RBFOX1: variants seen among roughly 807,000 people sequenced by gnomAD.
The protein encoded by RBFOX1 is RNA binding protein fox-1 homolog 1.
In RBFOX1, 8 loss-of-function variants were observed where a neutral mutation model predicts 57.7. The observed-to-expected ratio is 0.14, with a 90% confidence interval of 0.08 to 0.25. The LOEUF (loss-of-function observed/expected upper bound fraction) is 0.25. Among genes scored for constraint, RBFOX1 ranks in the 10% least tolerant of loss-of-function variants. The probability of loss-of-function intolerance (pLI) is 1.00; values close to 1 mark genes in which losing one functional copy is unlikely to be tolerated. For synonymous variants in RBFOX1, 326 were observed against 222.4 expected (o/e 1.47, Z -4.15); for missense variants, 611 against 548.5 (o/e 1.11, Z -1.14).
chr16:6,129,998 G>A (rs2096618570), intron 1 of RBFOX1, among the ~76,000 whole-genome samples: 2 of 152,060 alleles, frequency 1.3e-5, no homozygotes, highest in African/African-American at 4.8e-5. Context: ...ACAGTAGAGG[G>A]AATGTGTCAG....
chr16:6,916,079 A>G (rs765756768), intron 3 of RBFOX1, among the ~76,000 whole-genome samples: 1 of 152,156 alleles, frequency 6.6e-6, no homozygotes, highest in Non-Finnish European at 1.5e-5. Flanking sequence ...CCCAGGGCTT[A>G]TATACCTTAG....
intron 3 of RBFOX1, among the ~76,000 whole-genome samples, chr16:6,711,200 C>T (rs1032448075): frequency 3.3e-5 from 5 of 152,198 alleles, no homozygotes; most frequent in African/African-American, 1.2e-4. Flanking sequence ...TCATCCTGAG[C>T]AGGTTCTGTC....
chr16:6,863,135 T>C (rs2059307410), intron 3 of RBFOX1, among the ~76,000 whole-genome samples: 1 of 151,926 alleles, frequency 6.6e-6, no homozygotes, highest in African/African-American at 2.4e-5. Context: ...TGAAGAGAAA[T>C]TAATAAGCAG....
chr16:7,511,766 C>T (rs897054236), intron 4 of RBFOX1, among the ~76,000 whole-genome samples: 5 of 152,086 alleles, frequency 3.3e-5, no homozygotes, highest in African/African-American at 1.2e-4. Context: ...CTCTCGTTGA[C>T]TGAGAGGTTT....
At chr16:6,919,166 G>C (rs933288882) in intron 3 of RBFOX1, among the ~76,000 whole-genome samples, 1 of 151,770 alleles carries the variant, frequency 6.6e-6, no homozygotes, top group Non-Finnish European at 1.5e-5. Context: ...TTGTTTTTTT[G>C]GAGATGGGGT....
intron 2 of RBFOX1, among the ~76,000 whole-genome samples, chr16:5,505,141 T>C (rs1158249089): frequency 6.6e-6 from 1 of 152,204 alleles, no homozygotes; most frequent in African/African-American, 2.4e-5. Context: ...AGTAAAGCTG[T>C]TATTAAAGCA....
At chr16:7,429,322 C>A (rs1348805321) in intron 4 of RBFOX1, among the ~76,000 whole-genome samples, 1 of 152,204 alleles carries the variant, frequency 6.6e-6, no homozygotes, top group African/African-American at 2.4e-5. Context: ...TGGCACAAGC[C>A]ATCCTGCCTC....
At chr16:7,251,011 G>T (rs2094480817) in intron 4 of RBFOX1, among the ~76,000 whole-genome samples, 2 of 79,402 alleles carry the variant, frequency 2.5e-5, no homozygotes, top group Admixed American at 1.0e-4. Flanking sequence ...CATTTTTGTA[G>T]TGAAAACACT....
At chr16:6,167,211 C>T (rs2096924661) in intron 1 of RBFOX1, among the ~76,000 whole-genome samples, 1 of 152,214 alleles carries the variant, frequency 6.6e-6, no homozygotes, top group Admixed American at 6.5e-5. Context: ...ATGTTCAGGG[C>T]CCTTAGTCCT....
intron 14 of RBFOX1, among the ~76,000 whole-genome samples, chr16:7,689,164 T>C (rs1158767933): frequency 3.3e-5 from 5 of 152,236 alleles, no homozygotes; most frequent in South Asian, 2.1e-4. Flanking sequence ...AAGTGCCCCA[T>C]CAGTGTTAGA....
chr16:6,609,740 T>C (rs1443714817), intron 2 of RBFOX1, among the ~76,000 whole-genome samples: 1 of 152,076 alleles, frequency 6.6e-6, no homozygotes, highest in South Asian at 2.1e-4. Flanking sequence ...TCAGGCATGG[T>C]GAATCAGGCC....
chr16:6,489,970 C>G (rs2095595072), intron 2 of RBFOX1, among the ~76,000 whole-genome samples: 2 of 152,172 alleles, frequency 1.3e-5, no homozygotes, highest in South Asian at 4.1e-4. Context: ...CTTCAAGAAA[C>G]TTAAGTCTTT....
intron 3 of RBFOX1, among the ~76,000 whole-genome samples, chr16:5,610,090 CG>C (rs1245267629): frequency 1.3e-5 from 2 of 152,150 alleles, no homozygotes; most frequent in Non-Finnish European, 2.9e-5. Flanking sequence ...ACTTACTTGC[CG>C]GCTTGCTGTA....
intron 4 of RBFOX1, among the ~76,000 whole-genome samples, chr16:7,170,730 C>T (rs74009283): frequency 2.0e-5 from 3 of 152,116 alleles, no homozygotes; most frequent in Non-Finnish European, 4.4e-5. Flanking sequence ...GTGAAGTTTC[C>T]ATACACCTTG....
At chr16:6,256,988 A>T (rs9935793) in intron 1 of RBFOX1, among the ~76,000 whole-genome samples, 136,926 of 152,182 alleles carry the variant, frequency 0.9, 62,702 homozygotes, top group Non-Finnish European at 0.99. Context: ...CCATGAGTAG[A>T]TGTGAGATTT....
In RBFOX1 at chr16:5,842,006, C is replaced by A. The variant is rs576539443; in HGVS notation, c.319-25297C>A. Among the ~76,000 whole-genome samples the A allele has an allele frequency of 1.1e-3, 163 of 152,348 alleles. 1 individual carries two copies. Among genetic ancestry groups the A allele is most frequent in the African/African-American group, 3.8e-3 (158 of 41,588 alleles). On this transcript the variant is annotated intron_variant, in intron 3 of 19. Coordinates refer to the RBFOX1 transcript ENST00000641259. ...GAGGCACACCACGCCCCATCCTCAT[C>A]CTCCTCTCCCTGTGCTGATGGCATT...
intron 3 of RBFOX1, among the ~76,000 whole-genome samples, chr16:6,769,654 G>C (rs907955110): frequency 6.6e-6 from 1 of 152,134 alleles, no homozygotes; most frequent in Non-Finnish European, 1.5e-5. Flanking sequence ...TGTATAATAC[G>C]AGTGTATCTT....
At chr16:6,908,305 C>G (rs551406063) in intron 3 of RBFOX1, among the ~76,000 whole-genome samples, 1 of 151,724 alleles carries the variant, frequency 6.6e-6, no homozygotes. Context: ...CCCCCAGCCT[C>G]TGACCATGGC....
intron 2 of RBFOX1, among the ~76,000 whole-genome samples, chr16:6,480,371 C>A (rs886152169): frequency 6.6e-6 from 1 of 152,180 alleles, no homozygotes; most frequent in Admixed American, 6.5e-5. Flanking sequence ...ACACTAAACT[C>A]CGCATTTGCA....
Sources: gnomAD v4.1 joint callset for allele counts (sites outside exome capture counted in the v4.1 genomes callset) on GRCh38, gnomAD v4.1.1 for gene constraint, MANE v1.5 for transcripts, NCBI Gene and HGNC (gene_info 2026-07-23, HGNC 2026-07-21) for gene names.